SYT16: variants seen among roughly 807,000 people sequenced by gnomAD.
SYT16 encodes synaptotagmin-16.
Under a neutral mutation model 61.4 loss-of-function variants are expected in SYT16, and 42 were observed. The ratio of observed to expected loss-of-function variants is 0.68; its 90% CI spans 0.53 to 0.89. The LOEUF (loss-of-function observed/expected upper bound fraction) is 0.89, where lower values mean the gene tolerates loss of function less well. SYT16 is among the 40% of genes least tolerant of loss of function. The pLI is 0.00. For missense variants in SYT16, 804 were observed against 807.3 expected (o/e 1.00, Z 0.05); for synonymous variants, 314 against 302.3 (o/e 1.04, Z -0.40).
intron 2 of SYT16, among the ~76,000 whole-genome samples, chr14:61,987,927 T>A (rs2052386982): frequency 6.6e-6 from 1 of 152,172 alleles, no homozygotes; most frequent in Non-Finnish European, 1.5e-5. Flanking sequence ...CCTTTTCAAG[T>A]GATACAAATG....
At chr14:61,851,576 T>C (rs1014784176) in intron 1 of SYT16, among the ~76,000 whole-genome samples, 2 of 152,146 alleles carry the variant, frequency 1.3e-5, no homozygotes, top group African/African-American at 4.8e-5. Flanking sequence ...GCACCTGTTG[T>C]TTTTTGACTT....
At chr14:61,984,076 A>G (rs2052200570) in intron 2 of SYT16, among the ~76,000 whole-genome samples, 1 of 152,210 alleles carries the variant, frequency 6.6e-6, no homozygotes, top group African/African-American at 2.4e-5. Context: ...TACAGAAAGT[A>G]TGGTGAAGCT....
chr14:61,908,251 T>C (rs917784192), intron 1 of SYT16, among the ~76,000 whole-genome samples: 26 of 152,222 alleles, frequency 1.7e-4, no homozygotes, highest in African/African-American at 6.3e-4. Context: ...TAAAATACAA[T>C]AAGCCAGATT....
At chr14:61,995,070 CATAT>C (rs2052709655) in intron 2 of SYT16, among the ~76,000 whole-genome samples, 1 of 152,082 alleles carries the variant, frequency 6.6e-6, no homozygotes, top group African/African-American at 2.4e-5. Context: ...AATATACACA[CATAT>C]GTGTATGTAT....
chr14:61,824,209 T>C (rs1281384005), intron 1 of SYT16, among the ~76,000 whole-genome samples: 1 of 152,206 alleles, frequency 6.6e-6, no homozygotes, highest in Non-Finnish European at 1.5e-5. Flanking sequence ...TTTATTCATA[T>C]CTCCTATATA....
In SYT16 at chr14:61,996,343, C is replaced by G. The variant is rs1465498181; in HGVS notation, c.324C>G (p.Ser108Arg). The G allele has an allele frequency of 1.2e-6, 2 of 1,613,436 alleles. No individual in the cohort carries two copies. The highest frequency in any genetic ancestry group is 1.7e-6 in the Non-Finnish European group (2 of 1,179,564). Residue 108 changes from serine to arginine, a missense_variant, in exon 3 of 8, where the codon AGC becomes AGG. Transcript: ENST00000683842. ...ACTCTGCCCAAAATTCAAGCCCAAG[C>G]CTTAGCCAACATGCAAAGGACTCAT... ...LQDSAQNSSP[S>R]LSQHAKDSCS...
At chr14:61,948,020 A>G (rs1481508499) in intron 1 of SYT16, among the ~76,000 whole-genome samples, 1 of 152,216 alleles carries the variant, frequency 6.6e-6, no homozygotes, top group African/African-American at 2.4e-5. Context: ...AGCATAAAGT[A>G]TCTGGAAGGT....
chr14:61,869,245 T>C (rs1445167668), intron 1 of SYT16, among the ~76,000 whole-genome samples: 1 of 152,172 alleles, frequency 6.6e-6, no homozygotes, highest in Non-Finnish European at 1.5e-5. Context: ...GTTTTTTAGT[T>C]GGTGAGTTTA....
Position 62,100,688 on chromosome 14 carries a change from A to G in SYT16, c.1919A>G (p.His640Arg). 2 of 1,613,310 alleles carry G rather than the reference A, an allele frequency of 1.2e-6. No homozygotes were observed. Among genetic ancestry groups the G allele is most frequent in the Non-Finnish European group, 1.7e-6 (2 of 1,179,470 alleles). The change falls in exon 8 of 8, where the codon CAC (histidine) becomes CGC (arginine). Residue 640 changes from histidine to arginine, a missense_variant. By Grantham distance (29) the His-to-Arg change is conservative (BLOSUM62 0). Coordinates refer to ENST00000683842, the MANE Select transcript of SYT16 (RefSeq NM_001367656.1). ...ETKGQQICRW[H>R]TLLES ...AAAGGCCAGCAGATCTGCAGATGGC[A>G]CACTTTGCTGGAATCCTAGGTTTGC...
At chr14:61,859,340 C>T (rs527320274) in intron 1 of SYT16, among the ~76,000 whole-genome samples, 6 of 152,130 alleles carry the variant, frequency 3.9e-5, no homozygotes, top group South Asian at 2.1e-4. Context: ...CGGCCAGACA[C>T]GGAGAGTTCA....
chr14:62,026,816 A>G (rs1192568009), intron 3 of SYT16, among the ~76,000 whole-genome samples: 1 of 152,174 alleles, frequency 6.6e-6, no homozygotes. Context: ...TTCCTTTAAG[A>G]CCAAGTATAG....
intron 1 of SYT16, among the ~76,000 whole-genome samples, chr14:61,819,023 GA>G (rs1442787112): frequency 6.6e-6 from 1 of 152,172 alleles, no homozygotes. Flanking sequence ...CATACTGTTT[GA>G]ATAGAATTCC....
At chr14:62,020,703 T>TA (rs1160834043) in intron 3 of SYT16, among the ~76,000 whole-genome samples, 1 of 152,196 alleles carries the variant, frequency 6.6e-6, no homozygotes, top group Non-Finnish European at 1.5e-5. Flanking sequence ...GAAGCTTAGC[T>TA]AAAATTCCTG....
rs779000064 is a variant in SYT16 at position 61,996,209 on chromosome 14, G to A, written c.190G>A (p.Glu64Lys). 2 of 1,613,566 alleles carry A rather than the reference G, an allele frequency of 1.2e-6. No homozygotes were observed. Among genetic ancestry groups the A allele is most frequent in the East Asian group, 2.2e-5 (1 of 44,864 alleles). ...GGACTTAGATAATATTCAGATTCAG[G>A]AAACGTACTTTGAAGATGAAGAACA... The part of the protein sequence containing the change: ...DQDLDNIQIQ[E>K]TYFEDEEQDN... Residue 64 changes from glutamate (E) to lysine (K), a missense_variant, in exon 3 of 8, where the codon GAA becomes AAA. Coordinates refer to ENST00000683842, the MANE Select transcript of SYT16 (RefSeq NM_001367656.1).
At chr14:61,980,134 A>G (rs1326563363) in intron 2 of SYT16, among the ~76,000 whole-genome samples, 1 of 152,162 alleles carries the variant, frequency 6.6e-6, no homozygotes, top group African/African-American at 2.4e-5. Context: ...ATAAAACAAA[A>G]CCCAACTGGA....
intron 1 of SYT16, among the ~76,000 whole-genome samples, chr14:61,893,504 AG>A (rs2048212318): frequency 6.6e-6 from 1 of 152,214 alleles, no homozygotes; most frequent in African/African-American, 2.4e-5. Context: ...AACCTCATCA[AG>A]CCTTTGTTTC....
intron 1 of SYT16, among the ~76,000 whole-genome samples, chr14:61,891,299 T>C (rs1191769682): frequency 2.0e-5 from 3 of 151,592 alleles, no homozygotes; most frequent in Non-Finnish European, 4.4e-5. Context: ...CTTGCTTTTG[T>C]GGCAAGCACG....
intron 6 of SYT16, 41 bp downstream of exon 6, chr14:62,081,315 C>G (rs377684620): frequency 2.6e-6 from 4 of 1,566,894 alleles, no homozygotes; most frequent in South Asian, 1.2e-5. Context: ...GTGGTGTGTT[C>G]GAAGACCTGG....
chr14:61,947,499 T>A (rs573479052), intron 1 of SYT16, among the ~76,000 whole-genome samples: 1 of 152,138 alleles, frequency 6.6e-6, no homozygotes, highest in Non-Finnish European at 1.5e-5. Context: ...ACACACTACT[T>A]ATGGGATTAA....
Sources: gnomAD v4.1 joint callset for allele counts (sites outside exome capture counted in the v4.1 genomes callset) on GRCh38, gnomAD v4.1.1 for gene constraint, MANE v1.5 for transcripts, NCBI Gene and HGNC (gene_info 2026-07-23, HGNC 2026-07-21) for gene names.